Variants in ATP11A observed in about 807,000 individuals in gnomAD.
ATP11A encodes ATPase phospholipid transporting 11A, also known as phospholipid-transporting ATPase IH.
Under a neutral mutation model 154.4 loss-of-function variants are expected in ATP11A, and 81 were observed. That is an observed-to-expected ratio of 0.52 (90% confidence interval 0.44 to 0.63). The LOEUF is 0.63. Ranked by LOEUF, ATP11A falls within the 30% of genes least tolerant of loss-of-function variation. The pLI is 0.00. For missense variants in ATP11A, 1,316 were observed against 1,474.3 expected, an observed-to-expected ratio of 0.89 and a Z score of 1.76; for synonymous variants, 623 against 585.9, an observed-to-expected ratio of 1.06 and a Z score of -0.91.
At position 112,831,596 on chromosome 13, in the gene ATP11A, C is replaced by T. The variant is rs201549350; in HGVS notation, c.1395+48C>T. ...TCCAAGTGTGTGAGTGAGTGGGCGG[C>T]TGTGCATGCTGAGTCCACCCCTTTT... On this transcript the variant is annotated intron_variant, in intron 13 of 29. Coordinates refer to ENST00000375645, the MANE Select transcript of ATP11A (RefSeq NM_015205.3). The T allele has an allele frequency of 3.2e-6, 5 of 1,586,706 alleles. 1 individual carries two copies. The East Asian group carries it at 1.1e-4, about 36-fold the overall frequency.
chr13:112,727,667 C>G lies in ATP11A; in HGVS notation c.39+37212C>G, dbSNP rs181934668. Among the ~76,000 whole-genome samples the G allele has an allele frequency of 1.8e-4, 27 of 152,350 alleles. No homozygotes were observed. In the East Asian group the frequency reaches 5.2e-3, roughly 29 times the overall value. On this transcript the variant is annotated intron_variant, in intron 1 of 29. Transcript: ENST00000375645. ...CTCCACACACCATGCAGGGCCCGCA[C>G]AGGCCCCATTTGGCAGGCAGAGGTA...
chr13:112,880,272 C>T (rs1482858572), intron 29 of ATP11A: 1 of 162,146 alleles, frequency 6.2e-6, no homozygotes, highest in African/African-American at 2.4e-5. Context: ...GACCTCAGAC[C>T]CTCTGCCTCC....
rs1885026681 is a variant in ATP11A, at chr13:112,690,504, G to C, written c.39+49G>C. 7.8e-7 allele frequency: 1 copy of C among 1,280,242 alleles called. No individual in the cohort carries two copies. The allele number at this position is 1,280,242 out of a possible 1,614,324, so 79.3% of individuals were successfully genotyped here. ...GGGGACCCGGGGACCAGACAGACGC[G>C]GGCCGGCCCCGCAGCCCGGACCCTG... On this transcript the variant is annotated intron_variant, in intron 1 of 29. Transcript: ENST00000375645. This position sits in a 1 kb window ranked among gnomAD's most constrained non-coding sequence, Gnocchi z 5.6.
At chr13:112,820,094 A>C in intron 8 of ATP11A, 144 bp downstream of exon 8, 1 of 763,250 alleles carries the variant, frequency 1.3e-6, no homozygotes, top group Non-Finnish European at 2.0e-6. Flanking sequence ...GCCGGGCTCC[A>C]CTCTCGTCTC....
intron 1 of ATP11A, among the ~76,000 whole-genome samples, chr13:112,758,894 C>T (rs903282891): frequency 6.6e-6 from 1 of 152,178 alleles, no homozygotes; most frequent in African/African-American, 2.4e-5. Context: ...CAGAAGCAGC[C>T]ACCAGCCAAA....
intron 1 of ATP11A, among the ~76,000 whole-genome samples, chr13:112,767,665 G>A (rs1228951639): frequency 6.6e-6 from 1 of 152,078 alleles, no homozygotes; most frequent in Non-Finnish European, 1.5e-5. Context: ...CTGAAGAGAG[G>A]ACATTCTTCT....
At chr13:112,731,797 T>C (rs1350214428) in intron 1 of ATP11A, among the ~76,000 whole-genome samples, 3 of 152,010 alleles carry the variant, frequency 2.0e-5, no homozygotes, top group African/African-American at 7.2e-5. Flanking sequence ...TCAAAAAATA[T>C]CCCATCTTGC....
intron 1 of ATP11A, among the ~76,000 whole-genome samples, chr13:112,715,829 A>G (rs926210111): frequency 1.1e-4 from 17 of 151,704 alleles, no homozygotes; most frequent in Non-Finnish European, 1.5e-5. Flanking sequence ...CCTGTTGCTC[A>G]CACCTCTGGG....
chr13:112,816,025 C>T (rs562243744), intron 5 of ATP11A, 58 bp from the exon 6 acceptor site: 99 of 1,607,530 alleles, frequency 6.2e-5, no homozygotes, highest in Non-Finnish European at 7.9e-5. Context: ...TCCCACAGGA[C>T]GGGCAAGCTT....
intron 1 of ATP11A, chr13:112,717,703 A>G (rs976820310): frequency 3.9e-5 from 6 of 152,258 alleles, no homozygotes; most frequent in African/African-American, 1.2e-4. Flanking sequence ...TGATTAAGTT[A>G]TGGTCGTAGG....
At chr13:112,699,527 G>A (rs139790077) in intron 1 of ATP11A, among the ~76,000 whole-genome samples, 2 of 152,336 alleles carry the variant, frequency 1.3e-5, no homozygotes, top group Non-Finnish European at 2.9e-5. Context: ...CTGCGCTTGG[G>A]GTTGGTGGTC....
rs369581145 is a variant in ATP11A, at chr13:112,882,024, G to A, written c.*158G>A. 7.3e-7 allele frequency: 1 copy of A among 1,367,802 alleles called. No individual in the cohort carries two copies. Among genetic ancestry groups the A allele is most frequent in the African/African-American group, 1.5e-5 (1 of 67,860 alleles). 84.7% of individuals were successfully genotyped at this position (1,367,802 alleles called of 1,614,324 possible). Reference sequence around the variant, plus strand: ...CATCACCACTGCAGTTCCATCCCAAGTCACAGCTGCCCTAGGTCCCGTGTG... The same window carrying A: ...CATCACCACTGCAGTTCCATCCCAAATCACAGCTGCCCTAGGTCCCGTGTG... On this transcript the variant is annotated 3_prime_UTR_variant, in exon 30 of 30. Coordinates refer to ENST00000375645, the MANE Select transcript of ATP11A (RefSeq NM_015205.3). The surrounding 1 kb of genome is among the most constrained non-coding windows in gnomAD (Gnocchi z 5.1).
chr13:112,799,715 C>A (rs1217631744), intron 2 of ATP11A, among the ~76,000 whole-genome samples: 2 of 152,190 alleles, frequency 1.3e-5, no homozygotes, highest in Admixed American at 6.5e-5. Flanking sequence ...TAAAATACTT[C>A]ATTCAACAAT....
chr13:112,854,662 C>G, intron 19 of ATP11A, 132 bp downstream of exon 19: 1 of 1,103,492 alleles, frequency 9.1e-7, no homozygotes. Flanking sequence ...GGCATTAATG[C>G]CAGCTTCTTA....
chr13:112,809,054 TC>T (rs1566512963), intron 4 of ATP11A, among the ~76,000 whole-genome samples: 1 of 152,200 alleles, frequency 6.6e-6, no homozygotes, highest in East Asian at 1.9e-4. Context: ...CTGTTTCTTC[TC>T]CACCAATCCT....
At chr13:112,795,604 A>G (rs2140096106) in intron 2 of ATP11A, among the ~76,000 whole-genome samples, 1 of 152,270 alleles carries the variant, frequency 6.6e-6, no homozygotes, top group Middle Eastern at 3.4e-3. Flanking sequence ...CATTAATGTG[A>G]CTTTGTTACT....
intron 17 of ATP11A, among the ~76,000 whole-genome samples, chr13:112,844,797 T>G (rs144129645): frequency 2.4e-5 from 3 of 123,844 alleles, no homozygotes; most frequent in Non-Finnish European, 4.7e-5. Context: ...TTGCCGGGTG[T>G]TAGTGGTACT....
rs1303514099 is a variant in ATP11A, at chr13:112,815,968, C to T, written c.442-115C>T. On this transcript the variant is annotated intron_variant, in intron 5 of 29. Transcript: ENST00000375645. The stretch of plus-strand genomic sequence containing the variant: ...GAGTCTTTTCCTGAAACCGTGTCCA[C>T]ATCCCCGTGTCTTCCTGTGAATAGA... The T allele has an allele frequency of 2.1e-6, 3 of 1,422,306 alleles. No individual in the cohort carries two copies. In the Admixed American group the frequency reaches 5.7e-5, roughly 27 times the overall value. The allele number at this position is 1,422,306 out of a possible 1,614,324, so 88.1% of individuals were successfully genotyped here.
At chr13:112,786,871 G>C (rs999044722) in intron 2 of ATP11A, among the ~76,000 whole-genome samples, 2 of 152,224 alleles carry the variant, frequency 1.3e-5, no homozygotes, top group Non-Finnish European at 2.9e-5. Flanking sequence ...TTCACACCAA[G>C]TGTCCTGATG....
Sources: allele counts gnomAD v4.1 joint callset (sites outside exome capture counted in the v4.1 genomes callset), GRCh38; gene constraint gnomAD v4.1.1; non-coding constraint Gnocchi (gnomAD v3.1); transcripts MANE v1.5; gene names NCBI Gene and HGNC (gene_info 2026-07-23, HGNC 2026-07-21).